Variants in BPTF observed in about 807,000 individuals in gnomAD.
BPTF encodes bromodomain PHD finger transcription factor, also known as nucleosome-remodeling factor subunit BPTF.
In BPTF, 18 loss-of-function variants were observed where a neutral mutation model predicts 292.5. That is an observed-to-expected ratio of 0.06 (90% confidence interval 0.04 to 0.09). The LOEUF (loss-of-function observed/expected upper bound fraction) is 0.09. BPTF is among the 10% of genes least tolerant of loss of function. The probability of loss-of-function intolerance (pLI) is 1.00; values close to 1 mark genes in which losing one functional copy is unlikely to be tolerated. For synonymous variants in BPTF, 1,225 were observed against 1,251.9 expected (o/e 0.98, Z 0.45); for missense variants, 2,726 against 3,498.7 (o/e 0.78, Z 5.57).
At chr17:67,865,025 C>G (rs1167257784) in intron 2 of BPTF, among the ~76,000 whole-genome samples, 2 of 152,054 alleles carry the variant, frequency 1.3e-5, no homozygotes. Flanking sequence ...CCGGGATGGT[C>G]TCGATCTCCT....
Position 67,912,243 on chromosome 17 carries a change from A to C in BPTF, c.4359A>C (p.Lys1453Asn). The change falls in exon 11 of 28, where the codon AAA (lysine) becomes AAC (asparagine). Residue 1453 changes from lysine to asparagine, a missense_variant. By Grantham distance (94) the Lys-to-Asn change is moderately conservative. This residue lies in a region of BPTF where 713 missense variants were observed against 714.9 expected (regional missense o/e 1.00). Coordinates refer to ENST00000306378, the MANE Select transcript of BPTF (RefSeq NM_182641.4). ...AAATAATCCCTGAGAATGATATTAA[A>C]TCATTGACTGTTAAAGAATCTGCTA... ...INKIIPENDI[K>N]SLTVKESAIR... The C allele has an allele frequency of 6.2e-7, 1 of 1,611,708 alleles. No homozygotes were observed. Among genetic ancestry groups the C allele is most frequent in the Non-Finnish European group, 8.5e-7 (1 of 1,178,930 alleles).
chr17:67,870,916 C>T (rs1457537783), intron 3 of BPTF, among the ~76,000 whole-genome samples: 1 of 150,740 alleles, frequency 6.6e-6, no homozygotes, highest in Non-Finnish European at 1.5e-5. Context: ...ACTACAGGCG[C>T]CCGCCACTAC....
At chr17:67,953,099 C>G (rs1555679214) in intron 23 of BPTF, among the ~76,000 whole-genome samples, 2 of 150,296 alleles carry the variant, frequency 1.3e-5, no homozygotes, top group African/African-American at 4.9e-5. Flanking sequence ...GTAGCTGGGA[C>G]TACAGGCGCA....
At chr17:67,976,062 T>A in intron 27 of BPTF, 104 bp downstream of exon 27, 1 of 752,320 alleles carries the variant, frequency 1.3e-6, no homozygotes, top group Non-Finnish European at 1.8e-6. Context: ...AATTTAACCT[T>A]AAATATCTTT....
intron 2 of BPTF, among the ~76,000 whole-genome samples, chr17:67,860,922 A>G (rs554212555): frequency 1.3e-4 from 20 of 152,218 alleles, no homozygotes; most frequent in South Asian, 1.2e-3. Flanking sequence ...TTTTAAATCT[A>G]TACAGCTTTC....
At chr17:67,893,322 C>A in intron 5 of BPTF, 48 bp from the exon 6 acceptor site, 1 of 1,155,050 alleles carries the variant, frequency 8.7e-7, no homozygotes, top group Non-Finnish European at 1.3e-6. Context: ...ATGAAATTCA[C>A]ATCTTTGATT....
chr17:67,913,747 A>G (rs1374909341), intron 11 of BPTF, among the ~76,000 whole-genome samples: 2 of 152,232 alleles, frequency 1.3e-5, no homozygotes, highest in South Asian at 4.1e-4. Flanking sequence ...AAATAGTCCT[A>G]ATTTAAAATT....
rs2065803847 is a variant in BPTF, at chr17:67,946,233, G to A, written c.7525G>A (p.Asp2509Asn). Residue 2509 changes from aspartate to asparagine, a missense_variant, in exon 21 of 28, where the codon GAT becomes AAT. By Grantham distance (23) the Asp-to-Asn change is conservative (BLOSUM62 1). Transcript: ENST00000306378. The part of the protein sequence containing the change: ...EQLQRVQQLR[D>N]QQQKKKQQQI... ...GTTGCAAAGGGTTCAGCAACTCAGG[G>A]ATCAGCAGCAAAAGAAGAAACAGCA... The A allele has an allele frequency of 1.9e-6, 3 of 1,614,084 alleles. No homozygotes were observed. The highest frequency in any genetic ancestry group is 2.5e-6 in the Non-Finnish European group (3 of 1,180,048).
At chr17:67,952,722 A>G (rs567963302) in intron 23 of BPTF, among the ~76,000 whole-genome samples, 14 of 152,196 alleles carry the variant, frequency 9.2e-5, no homozygotes, top group Non-Finnish European at 1.8e-4. Flanking sequence ...ACGAAAGTCC[A>G]TAGTTTACAT....
intron 7 of BPTF, among the ~76,000 whole-genome samples, chr17:67,894,677 A>G (rs1353057373): frequency 2.0e-5 from 3 of 152,196 alleles, no homozygotes; most frequent in Non-Finnish European, 4.4e-5. Context: ...AGATCAAAAG[A>G]GATCTGGTAT....
intron 7 of BPTF, among the ~76,000 whole-genome samples, chr17:67,900,804 G>T (rs1312280813): frequency 6.6e-6 from 1 of 152,074 alleles, no homozygotes; most frequent in Non-Finnish European, 1.5e-5. Flanking sequence ...GAAGTGAGAA[G>T]TTTGAGACCA....
At position 67,940,647 on chromosome 17, in the gene BPTF, A is replaced by C. The variant is rs559425076; in HGVS notation, c.6468A>C (p.Thr2156=). The change falls in exon 19 of 28, where the codon ACA becomes ACC. Residue 2156 remains threonine (T), a synonymous_variant. Transcript: ENST00000306378. ...CCATGGCTCAACTTACTCAGTTAAC[A>C]CAGGGCCACGTAAGTAACATAAGCT... is the stretch of plus-strand genomic sequence containing the variant. ...KLTMAQLTQL[T]QGHGGNQGLT... 1 of 1,613,308 alleles carries C rather than the reference A, an allele frequency of 6.2e-7. No homozygotes were observed. The highest frequency in any genetic ancestry group is 1.1e-5 in the South Asian group (1 of 91,068).
rs2055940966 is a variant in BPTF at position 67,825,833 on chromosome 17, G to C, written c.109G>C (p.Gly37Arg). 1 of 1,017,566 alleles carries C rather than the reference G, an allele frequency of 9.8e-7. No individual in the cohort carries two copies. Among genetic ancestry groups the C allele is most frequent in the Non-Finnish European group, 1.2e-6 (1 of 852,878 alleles). The allele number at this position is 1,017,566 out of a possible 1,614,324, so 63.0% of individuals were successfully genotyped here. Residue 37 changes from glycine (G) to arginine (R), a missense_variant, in exon 1 of 28, where the codon GGG becomes CGG. Coordinates refer to ENST00000306378, the MANE Select transcript of BPTF (RefSeq NM_182641.4). ...PPPPPTSGPI[G>R]GLRSRHRGSS... ...GCCGCCGCCCACGTCCGGACCCATC[G>C]GGGGGCTCCGCTCGCGGCACCGCGG... is the stretch of plus-strand genomic sequence containing the variant.
At chr17:67,916,932 A>T (rs76591825) in intron 11 of BPTF, among the ~76,000 whole-genome samples, 2,607 of 152,202 alleles carry the variant, frequency 0.017, 66 homozygotes, top group African/African-American at 0.055. Context: ...TCAACAAAGT[A>T]TTCAGTTACA....
chr17:67,924,499 A>C (rs375556593), intron 14 of BPTF, 48 bp from the exon 15 acceptor site: 1 of 1,570,890 alleles, frequency 6.4e-7, no homozygotes, highest in Admixed American at 1.8e-5. Context: ...TAGATGCCAG[A>C]TGCCTAACAG....
rs1222918666 is a variant in BPTF at position 67,911,368 on chromosome 17, C to G, written c.3484C>G (p.Pro1162Ala). Residue 1162 changes from proline to alanine, a missense_variant, in exon 11 of 28, where the codon CCA becomes GCA. Physicochemically the swap from Pro to Ala is conservative, Grantham distance 27 (BLOSUM62 -1). This residue lies in a region of BPTF where 713 missense variants were observed against 714.9 expected (regional missense o/e 1.00). Coordinates refer to ENST00000306378, the MANE Select transcript of BPTF (RefSeq NM_182641.4). ...TAGTCATACCACAAACAAACTTTAT[C>G]CAAAAGATCGAGTGTTAGATGATGT... ...DPSHTTNKLY[P>A]KDRVLDDVSI... is the part of the protein sequence containing the mutation. 1.7e-5 allele frequency: 28 copies of G among 1,614,018 alleles called. No individual in the cohort carries two copies. Among genetic ancestry groups the G allele is most frequent in the Non-Finnish European group, 2.4e-5 (28 of 1,179,996 alleles).
chr17:67,835,008 T>C (rs1315246687), intron 1 of BPTF, among the ~76,000 whole-genome samples: 1 of 152,164 alleles, frequency 6.6e-6, no homozygotes. Context: ...AGGCAGCAGT[T>C]GAAGACTAGC....
chr17:67,967,140 C>CTT (rs71142116), intron 26 of BPTF, among the ~76,000 whole-genome samples: 2,110 of 148,750 alleles, frequency 0.014, 24 homozygotes, highest in Non-Finnish European at 0.017. Flanking sequence ...ATTGTGCATA[C>CTT]TTTTTTTTTC....
At chr17:67,857,758 C>T (rs1002470205) in intron 2 of BPTF, among the ~76,000 whole-genome samples, 6 of 146,262 alleles carry the variant, frequency 4.1e-5, no homozygotes, top group East Asian at 2.0e-4. Flanking sequence ...TGAGCCACTG[C>T]GTCTAGACTA....
Sources: gnomAD v4.1 joint callset for allele counts (sites outside exome capture counted in the v4.1 genomes callset) on GRCh38, gnomAD v4.1.1 for gene constraint, gnomAD v4.1.1 regional missense constraint, MANE v1.5 for transcripts, NCBI Gene and HGNC (gene_info 2026-07-23, HGNC 2026-07-21) for gene names.